Variants in VSIR observed in about 807,000 individuals in gnomAD.
The protein encoded by VSIR is V-set immunoregulatory receptor.
Under a neutral mutation model 31.0 loss-of-function variants are expected in VSIR, and 10 were observed. The observed-to-expected ratio is 0.32, with a 90% CI of 0.20 to 0.55. VSIR has a LOEUF of 0.55. Among genes scored for constraint, VSIR ranks in the 20% least tolerant of loss-of-function variants. The probability of loss-of-function intolerance (pLI) is 0.93; values close to 1 mark genes in which losing one functional copy is unlikely to be tolerated. For missense variants in VSIR, 356 were observed against 416.2 expected (o/e 0.86, Z 1.26); for synonymous variants, 179 against 180.1 (o/e 0.99, Z 0.05).
chr10:71,755,480 G>C lies in VSIR; in HGVS notation c.569-14C>G, dbSNP rs1212596111. On this transcript the variant is annotated splice_polypyrimidine_tract_variant and intron_variant, in intron 3 of 6. Transcript: ENST00000394957. ...CAGCCGTGATGTCTGAAAGGGCAGAGAGGTAGCCAAGGTGAAGCCCCATTC... is the reference window on the plus strand; with the variant it reads ...CAGCCGTGATGTCTGAAAGGGCAGACAGGTAGCCAAGGTGAAGCCCCATTC... 6.2e-7 allele frequency: 1 copy of C among 1,603,520 alleles called. No homozygotes were observed. Among genetic ancestry groups the C allele is most frequent in the African/African-American group, 1.3e-5 (1 of 74,754 alleles).
chr10:71,761,585 A>C lies in VSIR; in HGVS notation c.511+13T>G. 1 of 1,561,748 alleles carries C rather than the reference A, an allele frequency of 6.4e-7. No homozygotes were observed. The highest frequency in any genetic ancestry group is 8.7e-7 in the Non-Finnish European group (1 of 1,154,768). On this transcript the variant is annotated intron_variant, in intron 2 of 6. Transcript: ENST00000394957. ...CCACACACGCCAGGCTGTCACGTGC[A>C]GGATGCCCTCACCTGTCTGCACCTG...
Position 71,751,595 on chromosome 10 carries a change from A to G in VSIR, c.898+73T>C. The G allele has an allele frequency of 5.4e-6, 8 of 1,470,630 alleles. No homozygotes were observed. In the South Asian group the frequency reaches 1.1e-4, roughly 20 times the overall value. 91.1% of individuals were successfully genotyped at this position (1,470,630 alleles called of 1,614,324 possible). A position where few individuals can be genotyped will look rare whatever the true frequency, so the allele number is the denominator to read the frequency against. On this transcript the variant is annotated intron_variant, in intron 6 of 6. Transcript: ENST00000394957. This position sits in a 1 kb window ranked among gnomAD's most constrained non-coding sequence, Gnocchi z 4.9. Reference sequence around the variant, plus strand: ...AACTCTTCAGGGAGGGCAGGGAGTGAGGCCGATGCCCTGCAGGCCATGAGG... The same window carrying G: ...AACTCTTCAGGGAGGGCAGGGAGTGGGGCCGATGCCCTGCAGGCCATGAGG...
rs549009888 is a variant in VSIR at position 71,771,912 on chromosome 10, A to G, written c.82+1446T>C. 2.0e-5 allele frequency among the ~76,000 whole-genome samples: 3 copies of G among 152,262 alleles called. No individual in the cohort carries two copies. The East Asian group carries it at 5.8e-4, about 29-fold the overall frequency. On this transcript the variant is annotated intron_variant, in intron 1 of 6. Transcript: ENST00000394957. ...GGCAGCCCAGCCAAGTGAGGGCAGG[A>G]AGTGGGCAAGAAAGCAGGAAGGGTC...
chr10:71,764,700 C>T (rs1359915795), intron 1 of VSIR, among the ~76,000 whole-genome samples: 1 of 152,212 alleles, frequency 6.6e-6, no homozygotes, highest in Non-Finnish European at 1.5e-5. Flanking sequence ...TGGCCTGCTT[C>T]ACTCTCTCAC....
At chr10:71,752,943 A>G (rs1172875618) in intron 5 of VSIR, 32 bp downstream of exon 5, 1 of 1,610,426 alleles carries the variant, frequency 6.2e-7, no homozygotes, top group Non-Finnish European at 8.5e-7. Flanking sequence ...CGGCCCAGGA[A>G]GTTTTCTCAA....
At chr10:71,770,478 C>T (rs12415873) in intron 1 of VSIR, among the ~76,000 whole-genome samples, 20,129 of 152,134 alleles carry the variant, frequency 0.13, 1,613 homozygotes, top group East Asian at 0.28. Flanking sequence ...TTGCCATATA[C>T]AGGCATGCTG....
At chr10:71,761,069 G>A (rs41305993) in intron 2 of VSIR, 145 bp from the exon 3 acceptor site, 33 of 765,204 alleles carry the variant, frequency 4.3e-5, no homozygotes, top group East Asian at 1.6e-4. Context: ...GCCTGCACAC[G>A]TGTGCACCCA....
chr10:71,759,852 C>CACACACACACACAT (rs1840261781), intron 3 of VSIR, among the ~76,000 whole-genome samples: 1 of 76,908 alleles, frequency 1.3e-5, no homozygotes, highest in Non-Finnish European at 2.6e-5. Context: ...CACACATATA[C>CACACACACACACAT]ACACACACAC....
rs963544453 is a variant in VSIR at position 71,750,047 on chromosome 10, A to C, written c.*1206T>G. The C allele has an allele frequency of 6.6e-6, 1 of 150,474 alleles. No individual in the cohort carries two copies. The highest frequency in any genetic ancestry group is 2.5e-5 in the African/African-American group (1 of 40,318). 9.3% of individuals were successfully genotyped at this position (150,474 alleles called of 1,614,324 possible). On this transcript the variant is annotated 3_prime_UTR_variant, in exon 7 of 7. Coordinates refer to ENST00000394957, the MANE Select transcript of VSIR (RefSeq NM_022153.2). ...GCACTGCCTTCCCTGTTTTACCCCCAGAGTGTACAGAGATGCCCCCTACTC... is the reference window on the plus strand; with the variant it reads ...GCACTGCCTTCCCTGTTTTACCCCCCGAGTGTACAGAGATGCCCCCTACTC...
rs1292198933 is a variant in VSIR at position 71,761,846 on chromosome 10, G to C, written c.263C>G (p.Pro88Arg). ...GEVQTCSERR[P>R]IRNLTFQDLH... The stretch of plus-strand genomic sequence containing the variant: ...GTCCTGGAACGTGAGGTTGCGGATG[G>C]GCCGGCGCTCTGAGCAGGTCTGCAC... Residue 88 changes from proline to arginine, a missense_variant, in exon 2 of 7, where the codon CCC becomes CGC. Transcript: ENST00000394957. The C allele has an allele frequency of 6.2e-7, 1 of 1,614,136 alleles. No individual in the cohort carries two copies.
intron 1 of VSIR, among the ~76,000 whole-genome samples, chr10:71,762,734 G>A (rs951411264): frequency 2.0e-5 from 3 of 152,232 alleles, no homozygotes; most frequent in African/African-American, 7.2e-5. Flanking sequence ...AGTAGAAAGG[G>A]TGTCCTAGGC....
At chr10:71,763,390 T>A (rs1840447282) in intron 1 of VSIR, among the ~76,000 whole-genome samples, 1 of 152,176 alleles carries the variant, frequency 6.6e-6, no homozygotes, top group Admixed American at 6.5e-5. Context: ...ATGTACAGAA[T>A]CCAAACTGAT....
At chr10:71,752,935 G>T in intron 5 of VSIR, 40 bp downstream of exon 5, 1 of 1,607,590 alleles carries the variant, frequency 6.2e-7, no homozygotes. Flanking sequence ...TGGATAGCCG[G>T]CCCAGGAAGT....
rs769610380 is a variant in VSIR, at chr10:71,755,407, G to A, written c.628C>T (p.Leu210Phe). 1.2e-6 allele frequency: 2 copies of A among 1,613,374 alleles called. No homozygotes were observed. The highest frequency in any genetic ancestry group is 1.3e-5 in the African/African-American group (1 of 74,884). Residue 210 changes from leucine (L) to phenylalanine (F), a missense_variant, in exon 4 of 7, where the codon CTC (leucine) becomes TTC (phenylalanine). This residue lies in a region of VSIR where 190 missense variants were observed against 185.2 expected (regional missense o/e 1.03). Coordinates refer to ENST00000394957, the MANE Select transcript of VSIR (RefSeq NM_022153.2). Reference sequence around the variant, plus strand: ...TGCTTGTAGACCAGGAGCAGGATGAGGGGGAGGCAGAGGATTCCTACGATG... The same window carrying A: ...TGCTTGTAGACCAGGAGCAGGATGAAGGGGAGGCAGAGGATTCCTACGATG... ...ACIVGILCLP[L>F]ILLLVYKQRQ...
rs1316468065 is a variant in VSIR, at chr10:71,748,798, C to CA, written c.*2454dup. 6.5e-6 allele frequency: 1 copy of CA among 152,806 alleles called. No individual in the cohort carries two copies. Among genetic ancestry groups the CA allele is most frequent in the African/African-American group, 2.4e-5 (1 of 41,454 alleles). 9.5% of individuals were successfully genotyped at this position (152,806 alleles called of 1,614,324 possible). ...AGAGGCACTACCATCCCGGGCAACT[C>CA]AGAGGGCGGCTCCAGCAGCCTGCCC... On this transcript the variant is annotated 3_prime_UTR_variant, in exon 7 of 7. Transcript: ENST00000394957.
chr10:71,769,918 A>C (rs1840648532), intron 1 of VSIR, among the ~76,000 whole-genome samples: 1 of 152,240 alleles, frequency 6.6e-6, no homozygotes, highest in Non-Finnish European at 1.5e-5. Flanking sequence ...AAGCAAACCC[A>C]GGGCCAGGCT....
In VSIR at chr10:71,750,318, C is replaced by T. The variant is rs2132861954; in HGVS notation, c.*935G>A. On this transcript the variant is annotated 3_prime_UTR_variant, in exon 7 of 7. Coordinates refer to ENST00000394957, the MANE Select transcript of VSIR (RefSeq NM_022153.2). ...TTACAATCCATCTCCAGGGTTTGCA[C>T]CTGTTTCCCCATGTAGTTTTTAATA... 6.6e-6 allele frequency: 1 copy of T among 152,388 alleles called. No homozygotes were observed. Among genetic ancestry groups the T allele is most frequent in the Non-Finnish European group, 1.5e-5 (1 of 68,070 alleles). 9.4% of individuals were successfully genotyped at this position (152,388 alleles called of 1,614,324 possible).
chr10:71,773,451 A>T lies in VSIR; in HGVS notation c.-12T>A. On this transcript the variant is annotated 5_prime_UTR_variant, in exon 1 of 7. Coordinates refer to ENST00000394957, the MANE Select transcript of VSIR (RefSeq NM_022153.2). ...GTGGGGACGCCCATGTCGCCGTCGG[A>T]CGCGCAGAGGAACTTCTGGTGCCGG... 2 of 1,584,548 alleles carry T rather than the reference A, an allele frequency of 1.3e-6. No individual in the cohort carries two copies. Among genetic ancestry groups the T allele is most frequent in the Non-Finnish European group, 1.7e-6 (2 of 1,165,538 alleles).
intron 4 of VSIR, 172 bp downstream of exon 4, chr10:71,755,187 C>T: frequency 2.7e-6 from 2 of 727,584 alleles, no homozygotes; most frequent in Non-Finnish European, 4.8e-6. Context: ...GGCATGCCTC[C>T]TTTCTCTCGG....
Sources: allele counts gnomAD v4.1 joint callset (sites outside exome capture counted in the v4.1 genomes callset), GRCh38; gene constraint gnomAD v4.1.1; regional missense constraint gnomAD v4.1.1; non-coding constraint Gnocchi (gnomAD v3.1); transcripts MANE v1.5; gene names NCBI Gene and HGNC (gene_info 2026-07-23, HGNC 2026-07-21).